Variants in NTRK3 observed in about 807,000 individuals in gnomAD.
NTRK3 encodes the protein NT-3 growth factor receptor.
NTRK3 carries 24 observed loss-of-function variants against 91.7 expected under a neutral mutation model. That is an observed-to-expected ratio of 0.26 (90% CI 0.19 to 0.37). The LOEUF (loss-of-function observed/expected upper bound fraction) is 0.37, where lower values mean the gene tolerates loss of function less well. Among genes scored for constraint, NTRK3 ranks in the 10% least tolerant of loss-of-function variants. The probability of loss-of-function intolerance (pLI) is 1.00; values close to 1 mark genes in which losing one functional copy is unlikely to be tolerated. For synonymous variants in NTRK3, 483 were observed against 404.0 expected, an observed-to-expected ratio of 1.20 and a Z score of -2.34; for missense variants, 880 against 1,068.9, an observed-to-expected ratio of 0.82 and a Z score of 2.46.
At chr15:88,114,657 A>G (rs929035697) in intron 13 of NTRK3, among the ~76,000 whole-genome samples, 2 of 152,234 alleles carry the variant, frequency 1.3e-5, no homozygotes, top group Non-Finnish European at 2.9e-5. Context: ...ATTTGTGCAA[A>G]GGCAACAGGG....
At chr15:87,990,972 C>T (rs2141486244) in intron 14 of NTRK3, among the ~76,000 whole-genome samples, 1 of 152,292 alleles carries the variant, frequency 6.6e-6, no homozygotes, top group Non-Finnish European at 1.5e-5. Context: ...TGATTACATT[C>T]CCATAATCCA....
intron 13 of NTRK3, among the ~76,000 whole-genome samples, chr15:88,041,599 C>T (rs2079617133): frequency 6.6e-6 from 1 of 152,178 alleles, no homozygotes; most frequent in South Asian, 2.1e-4. Flanking sequence ...GAACCCCACT[C>T]AGCCCCAGTC....
intron 14 of NTRK3, among the ~76,000 whole-genome samples, chr15:88,029,900 C>T (rs1423367355): frequency 6.6e-6 from 1 of 152,192 alleles, no homozygotes; most frequent in Non-Finnish European, 1.5e-5. Context: ...TGAGGACTGG[C>T]CTGGGTCCCC....
chr15:88,095,689 A>G (rs1221010385), intron 13 of NTRK3, among the ~76,000 whole-genome samples: 1 of 152,258 alleles, frequency 6.6e-6, no homozygotes, highest in Non-Finnish European at 1.5e-5. Context: ...AGAAGGTTTG[A>G]GGAGTACCTT....
At chr15:88,021,758 G>C (rs754347140) in intron 14 of NTRK3, among the ~76,000 whole-genome samples, 1 of 152,180 alleles carries the variant, frequency 6.6e-6, no homozygotes, top group East Asian at 1.9e-4. Flanking sequence ...TATAGTGCAA[G>C]GGGAATGAGA....
At chr15:88,045,649 T>G (rs1022255000) in intron 13 of NTRK3, among the ~76,000 whole-genome samples, 1 of 152,204 alleles carries the variant, frequency 6.6e-6, no homozygotes, top group South Asian at 2.1e-4. Context: ...AGGCTAGCAG[T>G]TGGAAATCAA....
At chr15:87,976,929 C>T (rs1274414928) in intron 14 of NTRK3, among the ~76,000 whole-genome samples, 4 of 152,112 alleles carry the variant, frequency 2.6e-5, no homozygotes, top group African/African-American at 7.2e-5. Flanking sequence ...CCCAACCCCA[C>T]TCTCAGACCC....
At chr15:88,156,401 T>G (rs1174408682) in intron 5 of NTRK3, among the ~76,000 whole-genome samples, 1 of 152,260 alleles carries the variant, frequency 6.6e-6, no homozygotes, top group African/African-American at 2.4e-5. Flanking sequence ...ATTCAAGTAC[T>G]TCCACAAAAT....
At chr15:88,039,040 C>T (rs1351329884) in intron 13 of NTRK3, among the ~76,000 whole-genome samples, 1 of 151,558 alleles carries the variant, frequency 6.6e-6, no homozygotes, top group Non-Finnish European at 1.5e-5. Flanking sequence ...GTCTGGGCAG[C>T]TTTCTTCTAT....
intron 15 of NTRK3, among the ~76,000 whole-genome samples, chr15:87,937,295 C>T (rs1037405916): frequency 6.6e-6 from 1 of 152,086 alleles, no homozygotes; most frequent in African/African-American, 2.4e-5. Flanking sequence ...ATGAAATGTT[C>T]TAGAAACCAA....
chr15:87,963,318 C>A (rs1055402183), intron 14 of NTRK3, among the ~76,000 whole-genome samples: 10 of 152,100 alleles, frequency 6.6e-5, no homozygotes, highest in Non-Finnish European at 1.3e-4. Context: ...ATAAAACAAT[C>A]CAAGTTTTCA....
intron 13 of NTRK3, among the ~76,000 whole-genome samples, chr15:88,094,708 C>T (rs1379370989): frequency 2.6e-5 from 4 of 152,056 alleles, no homozygotes; most frequent in Admixed American, 2.6e-4. Context: ...GCCTGGGGAC[C>T]ATCTGATGTC....
chr15:87,910,149 T>A (rs1056176483), intron 17 of NTRK3, among the ~76,000 whole-genome samples: 6 of 152,048 alleles, frequency 3.9e-5, no homozygotes, highest in African/African-American at 1.4e-4. Context: ...GGGCAAGAAA[T>A]TTATATTTTG....
intron 14 of NTRK3, among the ~76,000 whole-genome samples, chr15:87,948,256 T>G (rs2070763816): frequency 6.6e-6 from 1 of 152,196 alleles, no homozygotes; most frequent in Admixed American, 6.5e-5. Context: ...GAGCCATCCC[T>G]GGATGATTTA....
At chr15:88,182,900 A>G (rs2046614374) in intron 5 of NTRK3, among the ~76,000 whole-genome samples, 3 of 152,072 alleles carry the variant, frequency 2.0e-5, no homozygotes, top group Admixed American at 6.5e-5. Flanking sequence ...TGTCCCAAAC[A>G]AAGCTGTGTG....
intron 13 of NTRK3, among the ~76,000 whole-genome samples, chr15:88,039,118 AACACACACACACAC>A (rs66499066): frequency 9.0e-4 from 126 of 139,384 alleles, no homozygotes; most frequent in Middle Eastern, 3.6e-3. Context: ...TTGAGCCCTC[AACACACACACACAC>A]ACACACACAC....
At position 88,203,015 on chromosome 15, in the gene NTRK3, T is replaced by G. The variant is rs185298313; in HGVS notation, c.249-18716A>C. 8.5e-5 allele frequency among the ~76,000 whole-genome samples: 13 copies of G among 152,306 alleles called. No homozygotes were observed. The East Asian group carries it at 2.5e-3, about 29-fold the overall frequency. On this transcript the variant is annotated intron_variant, in intron 3 of 18. Transcript: ENST00000394480. ...CTTTTTGATGCTAGCTGGCTCCCAG[T>G]GGCCAGCACCTGCTTCTCTCTTCCT...
intron 14 of NTRK3, among the ~76,000 whole-genome samples, chr15:88,023,945 A>G (rs1478856345): frequency 6.6e-6 from 1 of 152,228 alleles, no homozygotes; most frequent in Non-Finnish European, 1.5e-5. Flanking sequence ...TTTCATCTGC[A>G]AGTCCATTAT....
At chr15:87,876,101 T>A (rs2064940364) in exon 19 of NTRK3, 1 of 232,348 alleles carries the variant, frequency 4.3e-6, no homozygotes, top group Non-Finnish European at 8.5e-6. Flanking sequence ...CTGTGGTTCT[T>A]TTACTCCAGA....
Sources: allele counts gnomAD v4.1 joint callset (sites outside exome capture counted in the v4.1 genomes callset), GRCh38; gene constraint gnomAD v4.1.1; transcripts MANE v1.5; gene names NCBI Gene and HGNC (gene_info 2026-07-23, HGNC 2026-07-21).